KEL: variants seen among roughly 807,000 people sequenced by gnomAD.
KEL encodes the protein Kell metallo-endopeptidase (Kell blood group).
KEL carries 96 observed loss-of-function variants against 99.5 expected under a neutral mutation model. That is an observed-to-expected ratio of 0.97 (90% CI 0.82 to 1.14). The LOEUF is 1.14. KEL is among the 50% of genes most tolerant of loss of function. The probability of loss-of-function intolerance (pLI) is 0.00; values close to 1 mark genes in which losing one functional copy is unlikely to be tolerated. For synonymous variants in KEL, 355 were observed against 354.8 expected (o/e 1.00, Z -0.01); for missense variants, 926 against 924.2 (o/e 1.00, Z -0.03).
chr7:142,960,980 A>G lies in KEL; in HGVS notation c.348T>C (p.Asn116=). The G allele has an allele frequency of 1.2e-6, 2 of 1,614,226 alleles. No individual in the cohort carries two copies. Among genetic ancestry groups the G allele is most frequent in the Non-Finnish European group, 1.7e-6 (2 of 1,180,046 alleles). The change falls in exon 4 of 19, where the codon AAT becomes AAC. Residue 116 remains asparagine (N), a synonymous_variant. Coordinates refer to ENST00000355265, the MANE Select transcript of KEL (RefSeq NM_000420.3). ...TCTTTGTGGCAAGCTCCTGAAAAGAATTATTGGTCTCTTTGGCCCTTCCAC... is the reference window on the plus strand; with the variant it reads ...TCTTTGTGGCAAGCTCCTGAAAAGAGTTATTGGTCTCTTTGGCCCTTCCAC... ...FACGRAKETN[N]SFQELATKNK...
Position 142,952,572 on chromosome 7 carries a change from T to C in KEL, c.1140A>G (p.Gln380=), listed in dbSNP as rs368173248. ...TGAGCTTTCTGCGTGCCTCCTGGAATTGACTGTCCAGGGCTGGAGAAAGGG... is the reference window on the plus strand; with the variant it reads ...TGAGCTTTCTGCGTGCCTCCTGGAACTGACTGTCCAGGGCTGGAGAAAGGG... The part of the protein sequence containing the change: ...VVTLSPALDS[Q]FQEARRKLSQ... Residue 380 remains glutamine (Q), a synonymous_variant, in exon 10 of 19, where the codon CAA becomes CAG. Transcript: ENST00000355265. 35 of 1,614,082 alleles carry C rather than the reference T, an allele frequency of 2.2e-5. No individual in the cohort carries two copies. The African/African-American group carries it at 3.9e-4, about 18-fold the overall frequency.
rs764680187 is a variant in KEL at position 142,944,713 on chromosome 7, T to C, written c.1343A>G (p.Asp448Gly). ...AAMKLFTAIR[D>G]ALITRLRNLP... is the part of the protein sequence containing the mutation. Reference sequence around the variant, plus strand: ...GTTTCTGAGGCGAGTGATGAGGGCATCCCGGATCGCAGTGAATAATTTCAT... The same window carrying C: ...GTTTCTGAGGCGAGTGATGAGGGCACCCCGGATCGCAGTGAATAATTTCAT... The change falls in exon 12 of 19, where the codon GAT becomes GGT. Residue 448 changes from aspartate to glycine, a missense_variant. Physicochemically the swap from Asp to Gly is moderately conservative, Grantham distance 94. Transcript: ENST00000355265. 2.5e-6 allele frequency: 4 copies of C among 1,613,998 alleles called. No homozygotes were observed. Among genetic ancestry groups the C allele is most frequent in the Non-Finnish European group, 3.4e-6 (4 of 1,180,004 alleles).
In KEL at chr7:142,961,863, C is replaced by T. The variant is rs1796967771; in HGVS notation, c.13G>A (p.Asp5Asn). 1 of 1,614,016 alleles carries T rather than the reference C, an allele frequency of 6.2e-7. No individual in the cohort carries two copies. Among genetic ancestry groups the T allele is most frequent in the Non-Finnish European group, 8.5e-7 (1 of 1,179,948 alleles). MEGG[D>N]QSEEEPRERS... ...TCCCTCGGCTCTTCCTCACTTTGGT[C>T]CCCACCTTCCTGAAGTGAGTGGAGG... Residue 5 changes from aspartate (D) to asparagine (N), a missense_variant, in exon 2 of 19, where the codon GAC becomes AAC. Physicochemically the swap from Asp to Asn is conservative, Grantham distance 23. Transcript: ENST00000355265.
chr7:142,943,959 A>T, intron 13 of KEL, 76 bp from the exon 14 acceptor site: 1 of 1,240,082 alleles, frequency 8.1e-7, no homozygotes, highest in East Asian at 2.4e-5. Context: ...CAATGGGACC[A>T]TTTGACCCCA....
chr7:142,944,144 G>T (rs2116643089), intron 13 of KEL, among the ~76,000 whole-genome samples, 179 bp downstream of exon 13: 1 of 152,316 alleles, frequency 6.6e-6, no homozygotes, highest in South Asian at 2.1e-4. Flanking sequence ...AAAAGATTCT[G>T]TTCTTCTGCC....
chr7:142,947,644 G>A (rs1562959390), intron 10 of KEL, among the ~76,000 whole-genome samples: 2 of 152,114 alleles, frequency 1.3e-5, no homozygotes, highest in African/African-American at 2.4e-5. Flanking sequence ...TTCACCTCCC[G>A]GGTTCAAGTG....
In KEL at chr7:142,943,770, C is replaced by T. The variant is rs951077653; in HGVS notation, c.1592+13G>A. On this transcript the variant is annotated intron_variant, in intron 14 of 18. Coordinates refer to ENST00000355265, the MANE Select transcript of KEL (RefSeq NM_000420.3). ...TCTGGGATGGAGTGCCTGTGTCTCC[C>T]CTGCTGTCATACCTGTGTTGGGGGT... is the stretch of plus-strand genomic sequence containing the variant. 2 of 1,610,806 alleles carry T rather than the reference C, an allele frequency of 1.2e-6. No homozygotes were observed. The highest frequency in any genetic ancestry group is 2.2e-5 in the East Asian group (1 of 44,848).
intron 14 of KEL, 48 bp downstream of exon 14, chr7:142,943,735 G>T: frequency 6.4e-7 from 1 of 1,557,526 alleles, no homozygotes; most frequent in Non-Finnish European, 8.9e-7. Context: ...GTGAATCATG[G>T]ATGGGTCTCT....
intron 15 of KEL, 25 bp from the exon 16 acceptor site, chr7:142,943,368 C>A (rs1250159548): frequency 6.2e-7 from 1 of 1,613,656 alleles, no homozygotes; most frequent in Non-Finnish European, 8.5e-7. Flanking sequence ...GCTTATTTGA[C>A]CCCCAGAATC....
intron 18 of KEL, 23 bp downstream of exon 18, chr7:142,942,401 AGCAAGCTGTG>A: frequency 6.7e-7 from 1 of 1,489,306 alleles, no homozygotes; most frequent in Non-Finnish European, 9.2e-7. Context: ...ACTGACATAA[AGCAAGCTGTG>A]GCGGGAGGTG....
intron 17 of KEL, 87 bp from the exon 18 acceptor site, chr7:142,942,616 G>A: frequency 9.6e-7 from 1 of 1,042,250 alleles, no homozygotes; most frequent in East Asian, 2.6e-5. Context: ...AAAACCCATG[G>A]CCCTTGCTCA....
intron 2 of KEL, 108 bp from the exon 3 acceptor site, chr7:142,961,609 GA>G (rs1796961798): frequency 7.1e-7 from 1 of 1,406,890 alleles, no homozygotes. Context: ...CCTTTATACA[GA>G]AATAATTATC....
In KEL at chr7:142,961,404, C is replaced by T. The variant is rs1237062033; in HGVS notation, c.179G>A (p.Cys60Tyr). ...TAILILGLLL[C>Y]FSVLLFYNFQ... ...GTTGTAGAACAAAAGCACAGAAAAA[C>T]AAAGGAGCAGGCCCAAAATCAGGAT... Residue 60 changes from cysteine (C) to tyrosine (Y), a missense_variant, in exon 3 of 19, where the codon TGT (cysteine) becomes TAT (tyrosine). By Grantham distance (194) the Cys-to-Tyr change is radical (BLOSUM62 -2). Transcript: ENST00000355265. 1 of 1,613,624 alleles carries T rather than the reference C, an allele frequency of 6.2e-7. No individual in the cohort carries two copies. The highest frequency in any genetic ancestry group is 1.3e-5 in the African/African-American group (1 of 74,918).
chr7:142,946,714 C>T, intron 10 of KEL: 2 of 282,054 alleles, frequency 7.1e-6, no homozygotes, highest in Non-Finnish European at 6.8e-6. Flanking sequence ...TTCCATCCTC[C>T]ATGCTTCTTT....
intron 10 of KEL, among the ~76,000 whole-genome samples, chr7:142,950,355 C>T (rs1412406914): frequency 6.6e-6 from 1 of 152,174 alleles, no homozygotes. Context: ...TGCTGATTCT[C>T]AAACACCTGG....
chr7:142,946,774 T>G (rs1233169484), intron 10 of KEL, among the ~76,000 whole-genome samples: 1 of 152,222 alleles, frequency 6.6e-6, no homozygotes, highest in Non-Finnish European at 1.5e-5. Context: ...ACCATCACCT[T>G]TATCCTCTCT....
chr7:142,947,740 C>T (rs1203626312), intron 10 of KEL, among the ~76,000 whole-genome samples: 10 of 152,148 alleles, frequency 6.6e-5, no homozygotes, highest in Admixed American at 6.5e-4. Flanking sequence ...CCAGGCTGGT[C>T]TCAAACTCCT....
chr7:142,953,806 A>G lies in KEL; in HGVS notation c.1073+2T>C. 1.2e-6 allele frequency: 2 copies of G among 1,613,940 alleles called. No homozygotes were observed. Among genetic ancestry groups the G allele is most frequent in the Non-Finnish European group, 8.5e-7 (1 of 1,179,984 alleles). The stretch of plus-strand genomic sequence containing the variant: ...ATCTCCCCAATCCCACCTGCGGCGA[A>G]CCTCTGCTTTAGCAGCATCTCCTCC... On this transcript the variant is annotated splice_donor_variant, in intron 9 of 18. Coordinates refer to ENST00000355265, the MANE Select transcript of KEL (RefSeq NM_000420.3). LOFTEE classifies it high-confidence loss of function.
At chr7:142,958,467 T>A (rs1201232202) in intron 4 of KEL, 39 bp from the exon 5 acceptor site, 3 of 1,605,666 alleles carry the variant, frequency 1.9e-6, no homozygotes, top group Non-Finnish European at 2.6e-6. Flanking sequence ...AAACTCTGAT[T>A]TTTTTTATCT....
Sources: gnomAD v4.1 joint callset for allele counts (sites outside exome capture counted in the v4.1 genomes callset) on GRCh38, gnomAD v4.1.1 for gene constraint, MANE v1.5 for transcripts, NCBI Gene and HGNC (gene_info 2026-07-23, HGNC 2026-07-21) for gene names.